Variants in ARSF observed in about 807,000 individuals in gnomAD.
ARSF encodes arylsulfatase F.
Under a neutral mutation model 35.4 loss-of-function variants are expected in ARSF, and 33 were observed. The ratio of observed to expected loss-of-function variants is 0.93; its 90% CI spans 0.71 to 1.25. The LOEUF (loss-of-function observed/expected upper bound fraction) is 1.25, where lower values mean the gene tolerates loss of function less well. Ranked by LOEUF, ARSF falls within the 50% of genes most tolerant of loss-of-function variation. The probability of loss-of-function intolerance (pLI) is 0.00; values close to 1 mark genes in which losing one functional copy is unlikely to be tolerated. For synonymous variants in ARSF, 222 were observed against 193.1 expected (o/e 1.15, Z -1.24); for missense variants, 501 against 480.2 (o/e 1.04, Z -0.40).
chrX:3,107,038 C>A (rs2090415484), intron 9 of ARSF, among the ~76,000 whole-genome samples: 1 of 111,772 alleles, frequency 8.9e-6, no homozygotes, highest in Non-Finnish European at 1.9e-5. Context: ...ACTCATAATA[C>A]CTAATACAAT....
Position 3,112,379 on chromosome X carries a change from A to G in ARSF, c.1596A>G (p.Lys532=), listed in dbSNP as rs1569150758. 8.3e-7 allele frequency: 1 copy of G among 1,211,199 alleles called. No individual in the cohort carries two copies. The highest frequency in any genetic ancestry group is 3.0e-5 in the East Asian group (1 of 33,785). Residue 532 remains lysine (K), a synonymous_variant, in exon 11 of 11, where the codon AAA becomes AAG. Coordinates refer to ENST00000381127, the MANE Select transcript of ARSF (RefSeq NM_001201539.2). ...ATEPLHDFVI[K]KVANALKEHQ... Reference sequence around the variant, plus strand: ...AGCCCCTCCATGATTTTGTGATTAAAAAGGTGGCCAACGCCCTGAAGGAAC... The same window carrying G: ...AGCCCCTCCATGATTTTGTGATTAAGAAGGTGGCCAACGCCCTGAAGGAAC...
intron 1 of ARSF, among the ~76,000 whole-genome samples, chrX:3,042,409 T>A (rs1275410738): frequency 8.9e-6 from 1 of 111,869 alleles, no homozygotes; most frequent in Non-Finnish European, 1.9e-5. Flanking sequence ...TGGGCCATTT[T>A]CAATTTAAAT....
intron 5 of ARSF, among the ~76,000 whole-genome samples, chrX:3,083,398 A>G (rs780929719): frequency 1.2e-3 from 131 of 109,527 alleles, no homozygotes; most frequent in Non-Finnish European, 1.7e-3. Flanking sequence ...CGATCCATCC[A>G]TCCACCTACA....
In ARSF at chrX:3,110,032, G is replaced by A. The variant is rs917859949; in HGVS notation, c.1266-96G>A. 3 of 903,331 alleles carry A rather than the reference G, an allele frequency of 3.3e-6. No homozygotes were observed. The African/African-American group carries it at 6.1e-5, about 18-fold the overall frequency. 74.4% of individuals were successfully genotyped at this position (903,331 alleles called of 1,213,427 possible). On this transcript the variant is annotated intron_variant, in intron 9 of 10. Transcript: ENST00000381127. ...CAGTACGCTGTCCTCTGGACCTGAGGCATGACGCAGTCTTCACCAAGTACC... is the reference window on the plus strand; with the variant it reads ...CAGTACGCTGTCCTCTGGACCTGAGACATGACGCAGTCTTCACCAAGTACC...
chrX:3,083,612 ATCTT>A (rs1443260021), intron 5 of ARSF, among the ~76,000 whole-genome samples: 2 of 109,580 alleles, frequency 1.8e-5, no homozygotes, highest in Admixed American at 9.9e-5. Context: ...TCTATCATCT[ATCTT>A]TCTTTCTATC....
At chrX:3,055,342 C>CAAAAAAAAAAAAAAAAAAAAAAA (rs770014108) in intron 1 of ARSF, among the ~76,000 whole-genome samples, 2 of 32,442 alleles carry the variant, frequency 6.2e-5, no homozygotes, top group Non-Finnish European at 1.2e-4. Context: ...AACTCCATTT[C>CAAAAAAAAAAAAAAAAAAAAAAA]AAAAAAAAAA....
chrX:3,107,696 A>G, intron 9 of ARSF, among the ~76,000 whole-genome samples: 1 of 110,383 alleles, frequency 9.1e-6, no homozygotes, highest in East Asian at 2.8e-4. Flanking sequence ...AATGCTCTAA[A>G]TTTTTAAAAT....
intron 4 of ARSF, among the ~76,000 whole-genome samples, chrX:3,077,188 T>C (rs149514870): frequency 7.1e-5 from 8 of 112,644 alleles, no homozygotes; most frequent in Middle Eastern, 4.6e-3. Context: ...TGTCTTTTGA[T>C]GCAATGAGAG....
intron 1 of ARSF, among the ~76,000 whole-genome samples, chrX:3,056,670 C>A (rs567006662): frequency 1.8e-5 from 2 of 111,507 alleles, no homozygotes; most frequent in South Asian, 7.6e-4. Flanking sequence ...AAGAGAATGA[C>A]CCTCTCCACC....
At chrX:3,050,718 T>C (rs2089993744) in intron 1 of ARSF, among the ~76,000 whole-genome samples, 1 of 110,916 alleles carries the variant, frequency 9.0e-6, no homozygotes, top group Non-Finnish European at 1.9e-5. Flanking sequence ...GAGTCTTCCC[T>C]TGGGGTTGGG....
At chrX:3,066,992 GGATCATCA>G (rs1470498637) in intron 1 of ARSF, 1 of 107,815 alleles carries the variant, frequency 9.3e-6, no homozygotes, top group Non-Finnish European at 1.9e-5. Context: ...GAAACTCAAT[GGATCATCA>G]GCTTAGGCAC....
At chrX:3,111,207 A>G (rs2090442943) in intron 10 of ARSF, among the ~76,000 whole-genome samples, 1 of 110,185 alleles carries the variant, frequency 9.1e-6, no homozygotes, top group Non-Finnish European at 1.9e-5. Context: ...TTTTGTAGGC[A>G]TAAGTGGTCA....
At chrX:3,109,146 C>T (rs896362295) in intron 9 of ARSF, among the ~76,000 whole-genome samples, 1 of 111,047 alleles carries the variant, frequency 9.0e-6, no homozygotes, top group Non-Finnish European at 1.9e-5. Context: ...ATGGAGAAAC[C>T]CCATCTCTAC....
At chrX:3,045,878 G>A (rs750510213) in intron 1 of ARSF, among the ~76,000 whole-genome samples, 34 of 107,119 alleles carry the variant, frequency 3.2e-4, no homozygotes, top group Middle Eastern at 5.0e-3. Context: ...TTTTTTGTTT[G>A]TTTTGTTTTG....
At chrX:3,089,434 C>T in intron 6 of ARSF, 62 bp from the exon 7 acceptor site, 1 of 1,160,770 alleles carries the variant, frequency 8.6e-7, no homozygotes, top group Middle Eastern at 2.4e-4. Context: ...GAAGCCAAAA[C>T]AATAGTTTTC....
At chrX:3,045,990 C>G (rs780162002) in intron 1 of ARSF, among the ~76,000 whole-genome samples, 3 of 111,185 alleles carry the variant, frequency 2.7e-5, no homozygotes, top group African/African-American at 9.8e-5. Context: ...TCAAGCAATT[C>G]TCCTGCCTCA....
Position 3,072,102 on chromosome X carries a change from C to A in ARSF, c.88C>A (p.Pro30Thr), listed in dbSNP as rs1217470774. Residue 30 changes from proline (P) to threonine (T), a missense_variant, in exon 3 of 11, where the codon CCT (proline) becomes ACT (threonine). Transcript: ENST00000381127. ...GGCACACAGGGTGCATGACGACAAG[C>A]CTAATATTGTCCTAATCATGGTTGA... Reference protein sequence around the residue: ...CQAHRVHDDKPNIVLIMVDDL... With the variant: ...CQAHRVHDDKTNIVLIMVDDL... 7.5e-6 allele frequency: 9 copies of A among 1,202,302 alleles called. No individual in the cohort carries two copies. Among genetic ancestry groups the A allele is most frequent in the Non-Finnish European group, 9.0e-6 (8 of 893,479 alleles).
At chrX:3,068,320 T>C (rs1279839313) in intron 2 of ARSF, among the ~76,000 whole-genome samples, 1 of 112,100 alleles carries the variant, frequency 8.9e-6, no homozygotes, top group East Asian at 2.8e-4. Flanking sequence ...CTCGACTTAG[T>C]AAGTGTGTAA....
In ARSF at chrX:3,105,600, G is replaced by C. The variant is rs138740424; in HGVS notation, c.1265+1676G>C. Among the ~76,000 whole-genome samples, 608 of 111,388 alleles carry C rather than the reference G, an allele frequency of 5.5e-3. 5 individuals carry two copies. The highest frequency in any genetic ancestry group is 0.019 in the African/African-American group (582 of 30,722). On this transcript the variant is annotated intron_variant, in intron 9 of 10. Coordinates refer to ENST00000381127, the MANE Select transcript of ARSF (RefSeq NM_001201539.2). The stretch of plus-strand genomic sequence containing the variant: ...CTGCCTCAGCCTCTCCAGTAGCTGG[G>C]ACTACAGGCACCGGCCACCACGCCT...
Sources: allele counts gnomAD v4.1 joint callset (sites outside exome capture counted in the v4.1 genomes callset), GRCh38; gene constraint gnomAD v4.1.1; transcripts MANE v1.5; gene names NCBI Gene and HGNC (gene_info 2026-07-23, HGNC 2026-07-21).